SIPA1L1: variants seen among roughly 807,000 people sequenced by gnomAD.
The protein encoded by SIPA1L1 is signal-induced proliferation-associated 1-like protein 1.
SIPA1L1 carries 26 observed loss-of-function variants against 162.7 expected under a neutral mutation model. The observed-to-expected ratio is 0.16, with a 90% confidence interval of 0.12 to 0.22. The LOEUF (loss-of-function observed/expected upper bound fraction) is 0.22, where lower values mean the gene tolerates loss of function less well. Ranked by LOEUF, SIPA1L1 falls within the 10% of genes least tolerant of loss-of-function variation. The probability of loss-of-function intolerance (pLI) is 1.00; values close to 1 mark genes in which losing one functional copy is unlikely to be tolerated. For synonymous variants in SIPA1L1, 829 were observed against 837.4 expected (o/e 0.99, Z 0.17); for missense variants, 1,874 against 2,241.0 (o/e 0.84, Z 3.31).
chr14:71,364,508 G>A (rs945634549), intron 2 of SIPA1L1, among the ~76,000 whole-genome samples: 3 of 152,104 alleles, frequency 2.0e-5, no homozygotes, highest in African/African-American at 7.2e-5. Flanking sequence ...AGATTCAGTT[G>A]TGTTGTGTGT....
At chr14:71,635,687 A>G (rs1483204684) in intron 7 of SIPA1L1, among the ~76,000 whole-genome samples, 1 of 152,256 alleles carries the variant, frequency 6.6e-6, no homozygotes, top group South Asian at 2.1e-4. Flanking sequence ...TCTCAGAAAG[A>G]TAAAATAAAT....
chr14:71,738,161 TAAAAAAAAAAAAAAA>T, intron 22 of SIPA1L1, 65 bp from the exon 23 acceptor site: 2 of 365,742 alleles, frequency 5.5e-6, no homozygotes, highest in African/African-American at 3.8e-5. Flanking sequence ...CTCCTCAGAG[TAAAAAAAAAAAAAAA>T]AAAAAAAAAA....
intron 5 of SIPA1L1, among the ~76,000 whole-genome samples, chr14:71,601,559 T>C (rs1045767904): frequency 6.6e-6 from 1 of 152,216 alleles, no homozygotes; most frequent in African/African-American, 2.4e-5. Context: ...TTTCTTTTTT[T>C]GTTGTGTCCT....
At chr14:71,409,845 A>C (rs1341852995) in intron 2 of SIPA1L1, among the ~76,000 whole-genome samples, 1 of 152,192 alleles carries the variant, frequency 6.6e-6, no homozygotes, top group Non-Finnish European at 1.5e-5. Flanking sequence ...ATAAAGTAAA[A>C]CAAAACAAAA....
chr14:71,426,591 G>A (rs1034479126), intron 2 of SIPA1L1, among the ~76,000 whole-genome samples: 2 of 150,260 alleles, frequency 1.3e-5, no homozygotes, highest in Admixed American at 6.7e-5. Flanking sequence ...CCAGGTTCAA[G>A]CGATTCTCCT....
At chr14:71,619,409 GCTAT>G (rs1326113284) in intron 6 of SIPA1L1, among the ~76,000 whole-genome samples, 3 of 152,072 alleles carry the variant, frequency 2.0e-5, no homozygotes, top group Non-Finnish European at 4.4e-5. Flanking sequence ...TGAACCAGGG[GCTAT>G]CTAATTGTAA....
chr14:71,576,044 A>G (rs1051143969), intron 4 of SIPA1L1, among the ~76,000 whole-genome samples: 1 of 152,264 alleles, frequency 6.6e-6, no homozygotes, highest in Non-Finnish European at 1.5e-5. Context: ...AGCTGAAAGC[A>G]CGTAACTTTT....
chr14:71,398,085 T>G (rs2041364887), intron 2 of SIPA1L1, among the ~76,000 whole-genome samples: 1 of 147,088 alleles, frequency 6.8e-6, no homozygotes. Flanking sequence ...GCGCTATCTC[T>G]GCTCACTGCA....
intron 2 of SIPA1L1, among the ~76,000 whole-genome samples, chr14:71,336,363 G>A (rs1185977639): frequency 1.3e-5 from 2 of 151,928 alleles, no homozygotes; most frequent in Non-Finnish European, 2.9e-5. Context: ...CTTTCCAGCC[G>A]CACCCCTCCT....
chr14:71,536,819 C>T (rs546923079), intron 4 of SIPA1L1, among the ~76,000 whole-genome samples: 49 of 152,170 alleles, frequency 3.2e-4, no homozygotes, highest in African/African-American at 9.9e-4. Flanking sequence ...GATTCTCTGG[C>T]GTTATAATGT....
chr14:71,415,008 AC>A (rs1374771895), intron 2 of SIPA1L1, among the ~76,000 whole-genome samples: 1 of 152,202 alleles, frequency 6.6e-6, no homozygotes, highest in Non-Finnish European at 1.5e-5. Context: ...GTTTCATTAT[AC>A]TTAACCTTGA....
In SIPA1L1 at chr14:71,624,092, G is replaced by C. The variant is rs113082664; in HGVS notation, c.1674G>C (p.Ser558=). ...RGSVLEDAIP[S]TAKHSTARGL... Reference sequence around the variant, plus strand: ...CGGTCCTGGAGGACGCCATTCCGTCGACAGCCAAGCACTCGACAGCCAGAG... The same window carrying C: ...CGGTCCTGGAGGACGCCATTCCGTCCACAGCCAAGCACTCGACAGCCAGAG... Residue 558 remains serine, a synonymous_variant, in exon 7 of 24, where the codon TCG becomes TCC. Transcript: ENST00000381232. 1.9e-6 allele frequency: 3 copies of C among 1,613,718 alleles called. No homozygotes were observed. Among genetic ancestry groups the C allele is most frequent in the South Asian group, 1.1e-5 (1 of 91,036 alleles).
At chr14:71,495,300 T>C (rs967240702) in intron 2 of SIPA1L1, among the ~76,000 whole-genome samples, 1 of 152,078 alleles carries the variant, frequency 6.6e-6, no homozygotes, top group African/African-American at 2.4e-5. Context: ...CAATTTCTTG[T>C]TTTAGGTATA....
intron 2 of SIPA1L1, among the ~76,000 whole-genome samples, chr14:71,339,783 A>G (rs1442105711): frequency 6.6e-6 from 1 of 152,168 alleles, no homozygotes; most frequent in Admixed American, 6.5e-5. Flanking sequence ...AATGTCAGCT[A>G]TCATTTATTG....
chr14:71,716,901 T>A (rs1320797482), intron 17 of SIPA1L1, among the ~76,000 whole-genome samples: 4 of 152,196 alleles, frequency 2.6e-5, no homozygotes, highest in African/African-American at 9.6e-5. Context: ...CTCGGTGACC[T>A]CACTACCTCT....
intron 2 of SIPA1L1, among the ~76,000 whole-genome samples, chr14:71,392,408 C>G (rs1000786571): frequency 6.6e-6 from 1 of 152,216 alleles, no homozygotes; most frequent in Admixed American, 6.5e-5. Context: ...CCTAAACATT[C>G]CTCTGATTTG....
intron 4 of SIPA1L1, among the ~76,000 whole-genome samples, chr14:71,544,055 G>A (rs1475296498): frequency 1.3e-5 from 2 of 150,770 alleles, no homozygotes; most frequent in Admixed American, 1.3e-4. Context: ...GCACGCACAT[G>A]TATGTATATA....
chr14:71,469,599 G>A (rs1486509059), intron 2 of SIPA1L1, among the ~76,000 whole-genome samples: 1 of 152,188 alleles, frequency 6.6e-6, no homozygotes, highest in Non-Finnish European at 1.5e-5. Flanking sequence ...CATGCTGTTA[G>A]TGTGGGCAAA....
intron 5 of SIPA1L1, among the ~76,000 whole-genome samples, chr14:71,590,897 A>G (rs769399326): frequency 3.3e-5 from 5 of 152,060 alleles, no homozygotes; most frequent in Admixed American, 2.6e-4. Context: ...CCACACTATT[A>G]ATGCCAGTAG....
Sources: allele counts gnomAD v4.1 joint callset (sites outside exome capture counted in the v4.1 genomes callset), GRCh38; gene constraint gnomAD v4.1.1; transcripts MANE v1.5; gene names NCBI Gene and HGNC (gene_info 2026-07-23, HGNC 2026-07-21).